B3GLCT: variants seen among roughly 807,000 people sequenced by gnomAD.
The protein encoded by B3GLCT is beta 3-glucosyltransferase.
In B3GLCT, 65 loss-of-function variants were observed where a neutral mutation model predicts 63.4. That is an observed-to-expected ratio of 1.03 (90% CI 0.84 to 1.26). B3GLCT has a LOEUF of 1.26. Among genes scored for constraint, B3GLCT ranks in the 50% most tolerant of loss-of-function variants. The pLI, the probability that B3GLCT is intolerant of heterozygous loss-of-function variation, is 0.00. For missense variants in B3GLCT, 577 were observed against 604.8 expected (o/e 0.95, Z 0.48); for synonymous variants, 233 against 219.2 (o/e 1.06, Z -0.55).
chr13:31,210,616 C>T (rs887239913), intron 1 of B3GLCT, among the ~76,000 whole-genome samples: 1 of 152,226 alleles, frequency 6.6e-6, no homozygotes, highest in Admixed American at 6.5e-5. Context: ...TTTGCACCAT[C>T]TCTCTTTCAT....
chr13:31,200,881 C>G (rs1041581908), intron 1 of B3GLCT, among the ~76,000 whole-genome samples: 7 of 152,116 alleles, frequency 4.6e-5, no homozygotes, highest in African/African-American at 1.7e-4. Context: ...CTGGGGACAT[C>G]AGGGGACACG....
intron 12 of B3GLCT, among the ~76,000 whole-genome samples, chr13:31,294,701 A>G (rs1873845766): frequency 6.6e-6 from 1 of 152,072 alleles, no homozygotes; most frequent in Non-Finnish European, 1.5e-5. Context: ...TCTAGTTAGC[A>G]ATTCGTCTAA....
intron 7 of B3GLCT, among the ~76,000 whole-genome samples, chr13:31,266,348 A>G (rs1044787450): frequency 6.6e-6 from 1 of 152,136 alleles, no homozygotes; most frequent in African/African-American, 2.4e-5. Flanking sequence ...AAAAATTAGG[A>G]AAGCTAAGTA....
intron 4 of B3GLCT, among the ~76,000 whole-genome samples, chr13:31,231,424 T>G (rs1870375814): frequency 6.6e-6 from 1 of 152,178 alleles, no homozygotes. Flanking sequence ...CAGATTTGTG[T>G]TTTTTAGATT....
chr13:31,286,668 A>G (rs768104284), intron 11 of B3GLCT, 52 bp from the exon 12 acceptor site: 3 of 1,176,626 alleles, frequency 2.5e-6, no homozygotes, highest in Non-Finnish European at 3.7e-6. Context: ...AACAAATTCT[A>G]TATATTTTAT....
Position 31,265,586 on chromosome 13 carries a change from A to T in B3GLCT, c.597-3628A>T, listed in dbSNP as rs574215785. Among the ~76,000 whole-genome samples, 31 of 152,318 alleles carry T rather than the reference A, an allele frequency of 2.0e-4. 1 individual carries two copies. The highest frequency in any genetic ancestry group is 7.5e-4 in the African/African-American group (31 of 41,568). Reference sequence around the variant, plus strand: ...ATTTTATTTGGCCTAACAATTCCACATCAGTTTTGAGTTCACACTGCCTAA... The same window carrying T: ...ATTTTATTTGGCCTAACAATTCCACTTCAGTTTTGAGTTCACACTGCCTAA... On this transcript the variant is annotated intron_variant, in intron 7 of 14. Coordinates refer to ENST00000343307, the MANE Select transcript of B3GLCT (RefSeq NM_194318.4).
At chr13:31,308,182 T>G in intron 12 of B3GLCT, among the ~76,000 whole-genome samples, 1 of 37,812 alleles carries the variant, frequency 2.6e-5, no homozygotes, top group South Asian at 1.4e-3. Flanking sequence ...GTGACTGTGG[T>G]GGGGTCGGGG....
chr13:31,239,684 CT>C (rs59239925), intron 4 of B3GLCT, among the ~76,000 whole-genome samples: 15,456 of 140,544 alleles, frequency 0.11, 1,837 homozygotes, highest in East Asian at 0.46. Flanking sequence ...TCACCTGAGT[CT>C]TTTTTTTTTT....
chr13:31,218,930 C>CTTT (rs34965262), intron 2 of B3GLCT, among the ~76,000 whole-genome samples: 1 of 144,272 alleles, frequency 6.9e-6, no homozygotes, highest in Non-Finnish European at 1.5e-5. Flanking sequence ...ATCAGAAGCC[C>CTTT]TTTTTTTTTT....
intron 12 of B3GLCT, among the ~76,000 whole-genome samples, chr13:31,316,434 T>TATATATATATATATATA (rs1566096071): frequency 5.0e-4 from 55 of 110,786 alleles, no homozygotes; most frequent in South Asian, 6.8e-4. Context: ...TATATATAAA[T>TATATATATATATATATA]TTTTTTTTTT....
intron 12 of B3GLCT, among the ~76,000 whole-genome samples, chr13:31,316,420 T>C (rs1177058061): frequency 4.6e-5 from 5 of 108,370 alleles, no homozygotes; most frequent in African/African-American, 1.3e-4. Flanking sequence ...TATATATATA[T>C]ATATATATAT....
chr13:31,289,008 A>G (rs1873500989), intron 12 of B3GLCT, among the ~76,000 whole-genome samples: 1 of 152,152 alleles, frequency 6.6e-6, no homozygotes, highest in South Asian at 2.1e-4. Flanking sequence ...AATGAATTCA[A>G]GATGTGAATG....
chr13:31,274,061 G>A (rs534175698), intron 8 of B3GLCT, among the ~76,000 whole-genome samples: 13 of 152,022 alleles, frequency 8.6e-5, no homozygotes, highest in East Asian at 1.9e-4. Flanking sequence ...TTTTGTTCTC[G>A]CAGATTCCAC....
At chr13:31,276,867 G>A (rs1315913783) in intron 10 of B3GLCT, 96 bp downstream of exon 10, 2 of 903,142 alleles carry the variant, frequency 2.2e-6, no homozygotes, top group Admixed American at 1.9e-5. Context: ...TTCAGAAAAG[G>A]GATAATGACA....
chr13:31,262,989 A>G (rs1290562840), intron 7 of B3GLCT, among the ~76,000 whole-genome samples: 2 of 152,200 alleles, frequency 1.3e-5, no homozygotes, highest in East Asian at 3.8e-4. Context: ...AGAGGAACAA[A>G]CACAGCTCTT....
chr13:31,251,679 A>G (rs149691271), intron 6 of B3GLCT, among the ~76,000 whole-genome samples: 1,912 of 152,346 alleles, frequency 0.013, 26 homozygotes, highest in Middle Eastern at 0.099. Flanking sequence ...AGAAGAGTGA[A>G]AAGAAATGAA....
At chr13:31,288,091 T>G (rs2137883402) in intron 12 of B3GLCT, among the ~76,000 whole-genome samples, 1 of 152,270 alleles carries the variant, frequency 6.6e-6, no homozygotes, top group Non-Finnish European at 1.5e-5. Context: ...TTTTTCAAAT[T>G]TAATGAAAAC....
chr13:31,247,956 A>G lies in B3GLCT; in HGVS notation c.449A>G (p.Asp150Gly). 2 of 1,572,760 alleles carry G rather than the reference A, an allele frequency of 1.3e-6. No individual in the cohort carries two copies. Among genetic ancestry groups the G allele is most frequent in the Non-Finnish European group, 1.8e-6 (2 of 1,142,678 alleles). ...PKLLETLRRYDPSKEWFLGKA... is the reference protein window; with the variant it reads ...PKLLETLRRYGPSKEWFLGKA... Reference sequence around the variant, plus strand: ...CTCTTGGAAACCCTCAGAAGATATGACCCCTCTAAGGTGAATATAACTTCA... The same window carrying G: ...CTCTTGGAAACCCTCAGAAGATATGGCCCCTCTAAGGTGAATATAACTTCA... Residue 150 changes from aspartate (D) to glycine (G), a missense_variant, in exon 6 of 15, where the codon GAC becomes GGC. Asp to Gly is a moderately conservative substitution (Grantham distance 94). Transcript: ENST00000343307.
chr13:31,313,055 C>T (rs1178164787), intron 12 of B3GLCT: 1 of 152,244 alleles, frequency 6.6e-6, no homozygotes, highest in African/African-American at 2.4e-5. Context: ...TGAGCACCAA[C>T]ACTTGTCACT....
Sources: gnomAD v4.1 joint callset for allele counts (sites outside exome capture counted in the v4.1 genomes callset) on GRCh38, gnomAD v4.1.1 for gene constraint, MANE v1.5 for transcripts, NCBI Gene and HGNC (gene_info 2026-07-23, HGNC 2026-07-21) for gene names.